Variants in STK38 observed in about 807,000 individuals in gnomAD.
STK38 encodes serine/threonine-protein kinase 38.
STK38 carries 26 observed loss-of-function variants against 59.0 expected under a neutral mutation model. The observed-to-expected ratio is 0.44, with a 90% CI of 0.32 to 0.61. The LOEUF is 0.61. Among genes scored for constraint, STK38 ranks in the 20% least tolerant of loss-of-function variants. STK38 has a pLI of 0.04. For synonymous variants in STK38, 175 were observed against 176.6 expected, an observed-to-expected ratio of 0.99 and a Z score of 0.07; for missense variants, 433 against 566.0, an observed-to-expected ratio of 0.76 and a Z score of 2.38.
At chr6:36,541,169 G>A (rs1158238097) in intron 1 of STK38, among the ~76,000 whole-genome samples, 1 of 152,054 alleles carries the variant, frequency 6.6e-6, no homozygotes, top group Non-Finnish European at 1.5e-5. Flanking sequence ...AAAGTGCTGA[G>A]GATAACAGGC....
chr6:36,527,207 A>AAAAAAAAAT (rs60162863), intron 2 of STK38, among the ~76,000 whole-genome samples: 5 of 119,356 alleles, frequency 4.2e-5, no homozygotes, highest in African/African-American at 7.0e-5. Flanking sequence ...AAAAAAAAAA[A>AAAAAAAAAT]ATATATGTAT....
chr6:36,527,241 T>C (rs1388064364), intron 2 of STK38, among the ~76,000 whole-genome samples: 3 of 144,136 alleles, frequency 2.1e-5, no homozygotes, highest in African/African-American at 7.7e-5. Context: ...TATATGTATA[T>C]ACACATGTAT....
At chr6:36,526,720 C>A (rs941698160) in intron 2 of STK38, among the ~76,000 whole-genome samples, 2 of 151,748 alleles carry the variant, frequency 1.3e-5, no homozygotes, top group Non-Finnish European at 2.9e-5. Context: ...CATGGTGAAA[C>A]CTGGTCTGTA....
intron 2 of STK38, among the ~76,000 whole-genome samples, chr6:36,530,811 T>C (rs1777650619): frequency 1.3e-5 from 2 of 150,918 alleles, no homozygotes; most frequent in Admixed American, 1.3e-4. Context: ...TGCCTCAACC[T>C]CCCGAGTAGC....
intron 4 of STK38, 28 bp from the exon 5 acceptor site, chr6:36,521,845 T>C: frequency 1.3e-6 from 2 of 1,584,628 alleles, no homozygotes; most frequent in South Asian, 2.3e-5. Context: ...AAATGCCAAG[T>C]CAAAAACTCG....
At chr6:36,495,947 C>T in intron 13 of STK38, 33 bp from the exon 14 acceptor site, 1 of 1,612,330 alleles carries the variant, frequency 6.2e-7, no homozygotes, top group South Asian at 1.1e-5. Context: ...AGTTGATTCA[C>T]TGCCTTGCCT....
At chr6:36,504,987 C>A (rs910450682) in intron 9 of STK38, among the ~76,000 whole-genome samples, 2 of 150,450 alleles carry the variant, frequency 1.3e-5, no homozygotes, top group Non-Finnish European at 3.0e-5. Context: ...CTTCTGTTTC[C>A]AAAAAATAGA....
intron 7 of STK38, among the ~76,000 whole-genome samples, chr6:36,514,825 G>A (rs1256512195): frequency 1.4e-5 from 2 of 144,016 alleles, no homozygotes; most frequent in Non-Finnish European, 3.0e-5. Flanking sequence ...TCCAGCCTGG[G>A]CAAACAGGGT....
intron 7 of STK38, among the ~76,000 whole-genome samples, chr6:36,514,573 G>A (rs1777201436): frequency 6.6e-6 from 1 of 152,086 alleles, no homozygotes; most frequent in African/African-American, 2.4e-5. Flanking sequence ...GATTTGCCAA[G>A]GGTTATCTAG....
At chr6:36,500,620 C>T (rs1000090681) in intron 9 of STK38, among the ~76,000 whole-genome samples, 4 of 151,130 alleles carry the variant, frequency 2.6e-5, no homozygotes, top group Non-Finnish European at 4.4e-5. Flanking sequence ...ATTAGCTGGG[C>T]GTGGTGGTGT....
intron 11 of STK38, 41 bp downstream of exon 11, chr6:36,498,322 T>TAA: frequency 6.3e-7 from 1 of 1,579,622 alleles, no homozygotes. Context: ...TCATTCATAT[T>TAA]AAAAAGCTGA....
At chr6:36,498,799 C>G (rs976198307) in intron 10 of STK38, among the ~76,000 whole-genome samples, 1 of 152,038 alleles carries the variant, frequency 6.6e-6, no homozygotes, top group African/African-American at 2.4e-5. Context: ...CTATGTTGAT[C>G]AGGCTTATTT....
At chr6:36,502,006 T>C (rs1776852183) in intron 9 of STK38, among the ~76,000 whole-genome samples, 2 of 152,342 alleles carry the variant, frequency 1.3e-5, no homozygotes, top group African/African-American at 2.4e-5. Flanking sequence ...GTATCTTCCA[T>C]GTCCTCCAAA....
chr6:36,542,620 G>A (rs535802326), intron 1 of STK38, among the ~76,000 whole-genome samples: 116 of 152,118 alleles, frequency 7.6e-4, no homozygotes, highest in African/African-American at 2.3e-3. Context: ...CTCCAGACTG[G>A]GCTACACAGC....
chr6:36,503,419 C>T lies in STK38; in HGVS notation c.834+3164G>A, dbSNP rs559883913. On this transcript the variant is annotated intron_variant, in intron 9 of 13. Coordinates refer to ENST00000229812, the MANE Select transcript of STK38 (RefSeq NM_007271.4). Reference sequence around the variant, plus strand: ...CTGTAAGGTAGGGATCCATTTTTTCCATATAGCTAAGTGTGTGTGTGTGTG... The same window carrying T: ...CTGTAAGGTAGGGATCCATTTTTTCTATATAGCTAAGTGTGTGTGTGTGTG... Among the ~76,000 whole-genome samples the T allele has an allele frequency of 2.8e-5, 4 of 145,148 alleles. No individual in the cohort carries two copies. The South Asian group carries it at 6.4e-4, about 23-fold the overall frequency.
At chr6:36,545,289 G>GAAA (rs58104312) in intron 1 of STK38, among the ~76,000 whole-genome samples, 5 of 60,518 alleles carry the variant, frequency 8.3e-5, no homozygotes, top group East Asian at 5.7e-4. Context: ...ACTCCGTCTG[G>GAAA]AAAAAAAAAA....
intron 2 of STK38, among the ~76,000 whole-genome samples, chr6:36,531,369 GAAGAA>G (rs1777662557): frequency 7.0e-6 from 1 of 142,080 alleles, no homozygotes; most frequent in African/African-American, 2.7e-5. Context: ...TAGTATTCAT[GAAGAA>G]AAGAAACAAC....
At chr6:36,525,863 C>T (rs1336862045) in intron 2 of STK38, among the ~76,000 whole-genome samples, 2 of 151,694 alleles carry the variant, frequency 1.3e-5, no homozygotes, top group East Asian at 1.9e-4. Context: ...GGGCAGGTTG[C>T]GAGGAGAGGA....
intron 2 of STK38, among the ~76,000 whole-genome samples, chr6:36,534,188 G>A (rs1319020512): frequency 6.6e-6 from 1 of 150,818 alleles, no homozygotes; most frequent in Non-Finnish European, 1.5e-5. Flanking sequence ...CATATTAAAA[G>A]AATAAAGGAG....
Sources: gnomAD v4.1 joint callset for allele counts (sites outside exome capture counted in the v4.1 genomes callset) on GRCh38, gnomAD v4.1.1 for gene constraint, MANE v1.5 for transcripts, NCBI Gene and HGNC (gene_info 2026-07-23, HGNC 2026-07-21) for gene names.